The following POLA1 variants were observed in gnomAD, a reference collection of about 807,000 sequenced individuals.
POLA1 encodes DNA polymerase alpha 1, catalytic subunit, also known as DNA polymerase alpha catalytic subunit.
In POLA1, 15 loss-of-function variants were observed where a neutral mutation model predicts 124.0. The observed-to-expected ratio is 0.12, with a 90% confidence interval of 0.08 to 0.19. The LOEUF (loss-of-function observed/expected upper bound fraction) is 0.19, where lower values mean the gene tolerates loss of function less well. Among genes scored for constraint, POLA1 ranks in the 10% least tolerant of loss-of-function variants. The pLI is 1.00. For missense variants in POLA1, 886 were observed against 1,103.4 expected, an observed-to-expected ratio of 0.80 and a Z score of 2.79; for synonymous variants, 408 against 389.4, an observed-to-expected ratio of 1.05 and a Z score of -0.56.
chrX:24,747,808 T>A (rs992472342), intron 24 of POLA1, among the ~76,000 whole-genome samples: 2 of 106,620 alleles, frequency 1.9e-5, no homozygotes, highest in Admixed American at 1.0e-4. Context: ...GATCTCCGCT[T>A]ACTGTAAGCT....
chrX:24,888,306 CA>C (rs2047091121), intron 35 of POLA1, among the ~76,000 whole-genome samples, 184 bp downstream of exon 35: 1 of 111,638 alleles, frequency 9.0e-6, no homozygotes, highest in Non-Finnish European at 1.9e-5. Flanking sequence ...ATGTCATGAG[CA>C]ATACTATATT....
intron 34 of POLA1, among the ~76,000 whole-genome samples, chrX:24,880,387 T>C (rs2046987993): frequency 8.9e-6 from 1 of 112,524 alleles, no homozygotes; most frequent in Non-Finnish European, 1.9e-5. Flanking sequence ...GTTTTGATAA[T>C]TTTGTTCAAA....
chrX:24,971,434 C>T (rs770005924), intron 36 of POLA1, among the ~76,000 whole-genome samples: 2 of 112,659 alleles, frequency 1.8e-5, no homozygotes, highest in Non-Finnish European at 1.9e-5. Flanking sequence ...TTGTACTACC[C>T]CTACCAGGGT....
intron 26 of POLA1, among the ~76,000 whole-genome samples, chrX:24,804,395 T>G (rs2045766351): frequency 9.0e-6 from 1 of 111,714 alleles, no homozygotes; most frequent in Admixed American, 9.5e-5. Flanking sequence ...TCACCTGCCT[T>G]TCTCTTTCCT....
intron 23 of POLA1, 96 bp downstream of exon 23, chrX:24,743,425 T>C (rs1435256320): frequency 6.9e-6 from 3 of 433,962 alleles, no homozygotes; most frequent in East Asian, 8.0e-5. Context: ...TTATATCTTA[T>C]AGATCAGCGA....
chrX:24,821,466 T>A lies in POLA1; in HGVS notation c.3444T>A (p.Asp1148Glu). The change falls in exon 31 of 37, where the codon GAT becomes GAA. Residue 1148 changes from aspartate (D) to glutamate (E), a missense_variant. This residue lies in a region of POLA1 where 313 missense variants were observed against 359.7 expected (regional missense o/e 0.87). Coordinates refer to ENST00000379068, the MANE Select transcript of POLA1 (RefSeq NM_001330360.2). ...CCCTCTTTTAGGCATTGACAAAGGA[T>A]CCCCAGGATTACCCTGATAAAAAAA... ...QFEINKALTK[D>E]PQDYPDKKSL... The A allele has an allele frequency of 4.2e-6, 5 of 1,202,683 alleles. No individual in the cohort carries two copies. The highest frequency in any genetic ancestry group is 5.6e-6 in the Non-Finnish European group (5 of 890,446).
chrX:24,787,271 T>TA (rs949080324), intron 26 of POLA1, among the ~76,000 whole-genome samples: 17 of 112,046 alleles, frequency 1.5e-4, no homozygotes, highest in African/African-American at 5.2e-4. Flanking sequence ...GTGTCATATC[T>TA]AAAAAAATTA....
At chrX:24,822,557 G>A (rs2046106907) in intron 31 of POLA1, among the ~76,000 whole-genome samples, 1 of 112,233 alleles carries the variant, frequency 8.9e-6, no homozygotes, top group African/African-American at 3.2e-5. Context: ...GCTATATGCT[G>A]TGGATGTACA....
intron 35 of POLA1, among the ~76,000 whole-genome samples, chrX:24,927,089 A>G (rs962490732): frequency 9.2e-6 from 1 of 108,147 alleles, no homozygotes; most frequent in Admixed American, 9.9e-5. Flanking sequence ...CTGCCCTCCT[A>G]TGCCTCCCAA....
At chrX:24,946,497 G>T (rs1294127797) in intron 36 of POLA1, among the ~76,000 whole-genome samples, 1 of 111,467 alleles carries the variant, frequency 9.0e-6, no homozygotes, top group Non-Finnish European at 1.9e-5. Flanking sequence ...CACCTTGTTG[G>T]TACCCACAAA....
At chrX:24,915,600 CAAATG>C (rs2147187819) in intron 35 of POLA1, among the ~76,000 whole-genome samples, 1 of 111,833 alleles carries the variant, frequency 8.9e-6, no homozygotes, top group African/African-American at 3.2e-5. Flanking sequence ...CTCACCTGGA[CAAATG>C]AAATTCACAG....
At chrX:24,753,166 C>T (rs1932410531) in intron 26 of POLA1, among the ~76,000 whole-genome samples, 1 of 107,403 alleles carries the variant, frequency 9.3e-6, no homozygotes, top group African/African-American at 3.4e-5. Flanking sequence ...CTACAGGCGC[C>T]CACCACCATG....
intron 34 of POLA1, among the ~76,000 whole-genome samples, chrX:24,878,848 A>G (rs1046345413): frequency 4.5e-5 from 5 of 110,798 alleles, no homozygotes; most frequent in Non-Finnish European, 9.4e-5. Context: ...CACATGGTAT[A>G]GCTCAGAATA....
At chrX:24,840,393 A>G (rs923491153) in intron 32 of POLA1, among the ~76,000 whole-genome samples, 2 of 112,375 alleles carry the variant, frequency 1.8e-5, no homozygotes, top group Admixed American at 9.4e-5. Flanking sequence ...TCAAAAGTGT[A>G]TGATCAGTGA....
chrX:24,858,642 A>G (rs2046677990), intron 34 of POLA1, among the ~76,000 whole-genome samples: 2 of 112,483 alleles, frequency 1.8e-5, no homozygotes, highest in Non-Finnish European at 3.8e-5. Flanking sequence ...TCTTCAGCAT[A>G]TAGGAACTTG....
intron 36 of POLA1, among the ~76,000 whole-genome samples, chrX:24,948,794 T>G (rs751595761): frequency 8.9e-6 from 1 of 111,997 alleles, no homozygotes; most frequent in African/African-American, 3.2e-5. Context: ...AAATTAGAAT[T>G]TTAAAAAACA....
chrX:24,829,790 G>A lies in POLA1; in HGVS notation c.3736+3189G>A, dbSNP rs188533930. Among the ~76,000 whole-genome samples, 13 of 112,089 alleles carry A rather than the reference G, an allele frequency of 1.2e-4. No individual in the cohort carries two copies. In the East Asian group the frequency reaches 3.6e-3, roughly 31 times the overall value. ...TGGTGGCAAAGTAAGAGAAGTGTTA[G>A]GGGGTACGTGGTTTCTAAGAGGTGC... On this transcript the variant is annotated intron_variant, in intron 32 of 36. Coordinates refer to ENST00000379068, the MANE Select transcript of POLA1 (RefSeq NM_001330360.2).
chrX:24,828,590 A>G (rs1471454294), intron 32 of POLA1, among the ~76,000 whole-genome samples: 1 of 111,782 alleles, frequency 8.9e-6, no homozygotes, highest in Non-Finnish European at 1.9e-5. Flanking sequence ...GAGTAAAACC[A>G]TTTTTTAAAG....
chrX:24,929,396 A>G, intron 35 of POLA1, among the ~76,000 whole-genome samples: 1 of 112,290 alleles, frequency 8.9e-6, no homozygotes, highest in Non-Finnish European at 1.9e-5. Context: ...GTGGGTGTTC[A>G]GTGTTGGTTA....
Sources: allele counts gnomAD v4.1 joint callset (sites outside exome capture counted in the v4.1 genomes callset), GRCh38; gene constraint gnomAD v4.1.1; regional missense constraint gnomAD v4.1.1; transcripts MANE v1.5; gene names NCBI Gene and HGNC (gene_info 2026-07-23, HGNC 2026-07-21).